ZNF704: variants seen among roughly 807,000 people sequenced by gnomAD.
The protein encoded by ZNF704 is glucocorticoid induced gene 1.
ZNF704 carries 10 observed loss-of-function variants against 44.7 expected under a neutral mutation model. The observed-to-expected ratio is 0.22, with a 90% CI of 0.14 to 0.38. The LOEUF (loss-of-function observed/expected upper bound fraction) is 0.38. Among genes scored for constraint, ZNF704 ranks in the 10% least tolerant of loss-of-function variants. The pLI, the probability that ZNF704 is intolerant of heterozygous loss-of-function variation, is 1.00. For missense variants in ZNF704, 390 were observed against 545.5 expected (o/e 0.71, Z 2.84); for synonymous variants, 211 against 207.6 (o/e 1.02, Z -0.14).
intron 1 of ZNF704, among the ~76,000 whole-genome samples, chr8:80,860,020 C>T (rs1809032016): frequency 6.6e-6 from 1 of 152,190 alleles, no homozygotes; most frequent in Non-Finnish European, 1.5e-5. Context: ...TGCAAAAATC[C>T]CAAGACAGTG....
intron 2 of ZNF704, among the ~76,000 whole-genome samples, chr8:80,815,905 G>C (rs1001852682): frequency 1.3e-5 from 2 of 152,218 alleles, no homozygotes; most frequent in African/African-American, 2.4e-5. Flanking sequence ...TGGTTCTGTA[G>C]AGTGAATGAA....
chr8:80,664,568 A>G (rs1818158657), intron 6 of ZNF704, among the ~76,000 whole-genome samples: 1 of 152,168 alleles, frequency 6.6e-6, no homozygotes, highest in Non-Finnish European at 1.5e-5. Flanking sequence ...CACTGTGCCC[A>G]AGGGATTTTT....
In ZNF704 at chr8:80,664,838, C is replaced by G. The variant is rs770909135; in HGVS notation, c.904G>C (p.Val302Leu). The G allele has an allele frequency of 6.2e-7, 1 of 1,614,144 alleles. No individual in the cohort carries two copies. Residue 302 changes from valine (V) to leucine (L), a missense_variant, in exon 6 of 9, where the codon GTG (valine) becomes CTG (leucine). Physicochemically the swap from Val to Leu is conservative, Grantham distance 32. This residue lies in a region of ZNF704 where 305 missense variants were observed against 435.7 expected (regional missense o/e 0.70). Coordinates refer to ENST00000327835, the MANE Select transcript of ZNF704 (RefSeq NM_001033723.3). ...SRSAPTTLYL[V>L]HTDHAYQATP... ...ACCTGGTAAGCATGGTCAGTGTGCA[C>G]GAGGTAGAGGGTGGTGGGAGCTGAG...
intron 2 of ZNF704, among the ~76,000 whole-genome samples, chr8:80,809,448 G>T (rs1808048196): frequency 6.6e-6 from 1 of 152,170 alleles, no homozygotes. Flanking sequence ...TCTATTATGA[G>T]ATGAATACTA....
At chr8:80,743,795 T>A (rs1253829271) in intron 2 of ZNF704, among the ~76,000 whole-genome samples, 1 of 152,210 alleles carries the variant, frequency 6.6e-6, no homozygotes, top group African/African-American at 2.4e-5. Flanking sequence ...GAGATAGAGA[T>A]GTCTAACTTC....
At chr8:80,876,922 C>T (rs1439820889), upstream of ZNF704, among the ~76,000 whole-genome samples, 1 of 152,014 alleles carries the variant, frequency 6.6e-6, no homozygotes, top group African/African-American at 2.4e-5. Flanking sequence ...ATGGTCAGGC[C>T]AAGCATGTAG....
chr8:80,747,367 A>G (rs1008233225), intron 2 of ZNF704, among the ~76,000 whole-genome samples: 1 of 152,176 alleles, frequency 6.6e-6, no homozygotes, highest in Non-Finnish European at 1.5e-5. Context: ...TATACCATAA[A>G]TAGCCAGAAC....
intron 4 of ZNF704, among the ~76,000 whole-genome samples, chr8:80,683,888 T>G (rs1818493774): frequency 6.6e-6 from 1 of 152,058 alleles, no homozygotes; most frequent in African/African-American, 2.4e-5. Context: ...CATCTCTGTG[T>G]GGGGGGAGGT....
intron 6 of ZNF704, among the ~76,000 whole-genome samples, chr8:80,663,902 G>C (rs956471034): frequency 6.6e-6 from 1 of 151,394 alleles, no homozygotes; most frequent in South Asian, 2.1e-4. Context: ...GCTAATTTTT[G>C]TATTTTTTGT....
intron 2 of ZNF704, among the ~76,000 whole-genome samples, chr8:80,795,284 A>C (rs1807779340): frequency 6.6e-6 from 1 of 152,232 alleles, no homozygotes; most frequent in African/African-American, 2.4e-5. Flanking sequence ...AATGGCACGG[A>C]ATAAAAATGG....
chr8:80,674,603 TGA>T, intron 4 of ZNF704, among the ~76,000 whole-genome samples: 1 of 152,152 alleles, frequency 6.6e-6, no homozygotes, highest in African/African-American at 2.4e-5. Context: ...TCCAGTCTCA[TGA>T]GAGTGAGACT....
chr8:80,645,247 G>A, intron 7 of ZNF704: 1 of 1,404,140 alleles, frequency 7.1e-7, no homozygotes, highest in South Asian at 1.3e-5. Flanking sequence ...TAATTAATCA[G>A]TATTGCCATA....
intron 2 of ZNF704, among the ~76,000 whole-genome samples, chr8:80,765,824 A>C (rs1426683921): frequency 6.6e-6 from 1 of 152,164 alleles, no homozygotes; most frequent in Non-Finnish European, 1.5e-5. Context: ...ATTATGATCA[A>C]CACCGATCTC....
At chr8:80,739,563 C>T (rs768329457) in intron 2 of ZNF704, among the ~76,000 whole-genome samples, 1 of 152,192 alleles carries the variant, frequency 6.6e-6, no homozygotes, top group Non-Finnish European at 1.5e-5. Flanking sequence ...CATTTTTCTT[C>T]TCTTCAGTCT....
intron 4 of ZNF704, among the ~76,000 whole-genome samples, chr8:80,682,584 G>A (rs969582641): frequency 6.6e-6 from 1 of 152,224 alleles, no homozygotes; most frequent in East Asian, 1.9e-4. Flanking sequence ...AGCACAGGGT[G>A]GCTGAGGGAT....
intron 2 of ZNF704, among the ~76,000 whole-genome samples, chr8:80,697,361 C>A (rs566534172): frequency 6.6e-6 from 1 of 152,314 alleles, no homozygotes; most frequent in African/African-American, 2.4e-5. Context: ...AAATGGGAGG[C>A]AGGCTATTCA....
chr8:80,851,490 CA>C (rs890588275), intron 1 of ZNF704, among the ~76,000 whole-genome samples: 5 of 149,192 alleles, frequency 3.4e-5, no homozygotes, highest in African/African-American at 1.2e-4. Context: ...AACCAAACAC[CA>C]CATGTTCTCA....
rs1343080808 is a variant in ZNF704 at position 80,639,165 on chromosome 8, G to C, written c.*2201C>G. 1 of 152,250 alleles carries C rather than the reference G, an allele frequency of 6.6e-6. No homozygotes were observed. The highest frequency in any genetic ancestry group is 2.1e-4 in the South Asian group (1 of 4,834). 9.4% of individuals were successfully genotyped at this position (152,250 alleles called of 1,614,324 possible). A position where few individuals can be genotyped will look rare whatever the true frequency, so the allele number is the denominator to read the frequency against. On this transcript the variant is annotated 3_prime_UTR_variant, in exon 9 of 9. Transcript: ENST00000327835. ...CTATTAGTAACAGTCCAACGATCAA[G>C]GGCCAGGGAGCTTTGCTGAAGAGAA... is the stretch of plus-strand genomic sequence containing the variant.
At position 80,634,297 on chromosome 8, in the gene ZNF704, G is replaced by C. The variant is rs1817633139; in HGVS notation, c.*7069C>G. On this transcript the variant is annotated 3_prime_UTR_variant, in exon 9 of 9. Coordinates refer to ENST00000327835, the MANE Select transcript of ZNF704 (RefSeq NM_001033723.3). ...AAAAGGAGGCAGAGTGAGAGAGCTG[G>C]ATAACTCAGCGTATCTATATTCAAG... 6.6e-6 allele frequency: 1 copy of C among 152,252 alleles called. No individual in the cohort carries two copies. The highest frequency in any genetic ancestry group is 1.5e-5 in the Non-Finnish European group (1 of 68,054). The allele number at this position is 152,252 out of a possible 1,614,324, so 9.4% of individuals were successfully genotyped here. A position where few individuals can be genotyped will look rare whatever the true frequency, so the allele number is the denominator to read the frequency against.
Sources: gnomAD v4.1 joint callset for allele counts (sites outside exome capture counted in the v4.1 genomes callset) on GRCh38, gnomAD v4.1.1 for gene constraint, gnomAD v4.1.1 regional missense constraint, MANE v1.5 for transcripts, NCBI Gene and HGNC (gene_info 2026-07-23, HGNC 2026-07-21) for gene names.